Variants in CASP8 observed in about 807,000 individuals in gnomAD.
CASP8 encodes caspase-8.
Under a neutral mutation model 46.3 loss-of-function variants are expected in CASP8, and 24 were observed. The observed-to-expected ratio is 0.52, with a 90% CI of 0.38 to 0.73. CASP8 has a LOEUF of 0.73. Among genes scored for constraint, CASP8 ranks in the 30% least tolerant of loss-of-function variants. CASP8 has a pLI of 0.00. For synonymous variants in CASP8, 188 were observed against 200.4 expected, an observed-to-expected ratio of 0.94 and a Z score of 0.52; for missense variants, 460 against 559.0, an observed-to-expected ratio of 0.82 and a Z score of 1.79.
At chr2:201,261,414 T>A (rs375855229) in intron 1 of CASP8, among the ~76,000 whole-genome samples, 8 of 135,228 alleles carry the variant, frequency 5.9e-5, no homozygotes, top group East Asian at 4.3e-4. Context: ...AAAAAAAAAT[T>A]AAAAAGATAC....
intron 7 of CASP8, among the ~76,000 whole-genome samples, chr2:201,283,519 G>C (rs1408494001): frequency 2.0e-4 from 17 of 86,368 alleles, no homozygotes; most frequent in African/African-American, 6.7e-4. Context: ...AGGGGCGGCC[G>C]GGCAGAGGAG....
intron 7 of CASP8, among the ~76,000 whole-genome samples, chr2:201,282,996 T>C (rs1454454938): frequency 2.0e-4 from 10 of 50,876 alleles, no homozygotes; most frequent in East Asian, 6.7e-4. Context: ...GGCGGGGGGC[T>C]GACCCCCCCC....
In CASP8 at chr2:201,272,684, G is replaced by C; in HGVS notation, c.458G>C (p.Gly153Ala). 6.2e-7 allele frequency: 1 copy of C among 1,614,118 alleles called. No individual in the cohort carries two copies. Among genetic ancestry groups the C allele is most frequent in the Admixed American group, 1.7e-5 (1 of 60,024 alleles). Reference protein sequence around the residue: ...FIEMEKRVILGEGKLDILKRV... With the variant: ...FIEMEKRVILAEGKLDILKRV... ...GAGATGGAGAAGAGGGTCATCCTGGGAGAAGGAAAGTTGGACATCCTGAAA... is the reference window on the plus strand; with the variant it reads ...GAGATGGAGAAGAGGGTCATCCTGGCAGAAGGAAAGTTGGACATCCTGAAA... Residue 153 changes from glycine to alanine, a missense_variant, in exon 4 of 9, where the codon GGA becomes GCA. Coordinates refer to ENST00000673742, the MANE Select transcript of CASP8 (RefSeq NM_001372051.1). This position sits in a 1 kb window ranked among gnomAD's most constrained non-coding sequence, Gnocchi z 4.4.
Position 201,284,847 on chromosome 2 carries a change from T to C in CASP8, c.834T>C (p.His278=). ...GALTTTFEEL[H]FEIKPHDDCT... ...TGACCACGACCTTTGAAGAGCTTCATTTTGAGATCAAGCCCCACGATGACT... is the reference window on the plus strand; with the variant it reads ...TGACCACGACCTTTGAAGAGCTTCACTTTGAGATCAAGCCCCACGATGACT... The change falls in exon 8 of 9, where the codon CAT becomes CAC. Residue 278 remains histidine, a synonymous_variant. Coordinates refer to ENST00000673742, the MANE Select transcript of CASP8 (RefSeq NM_001372051.1). 1 of 1,614,168 alleles carries C rather than the reference T, an allele frequency of 6.2e-7. No homozygotes were observed. Among genetic ancestry groups the C allele is most frequent in the Non-Finnish European group, 8.5e-7 (1 of 1,180,038 alleles).
chr2:201,271,512 A>G lies in CASP8; in HGVS notation c.306-4A>G. ...TTCTAAAGTGTCTCCATTTCCCACC[A>G]CAGGGTCATGCTCTATCAGATTTCA... is the stretch of plus-strand genomic sequence containing the variant. On this transcript the variant is annotated splice_region_variant and splice_polypyrimidine_tract_variant and intron_variant, in intron 2 of 8. Coordinates refer to ENST00000673742, the MANE Select transcript of CASP8 (RefSeq NM_001372051.1). 2 of 1,557,020 alleles carry G rather than the reference A, an allele frequency of 1.3e-6. No homozygotes were observed. The highest frequency in any genetic ancestry group is 1.8e-6 in the Non-Finnish European group (2 of 1,127,990).
At chr2:201,281,863 A>G in intron 7 of CASP8, 1 of 1,478,630 alleles carries the variant, frequency 6.8e-7, no homozygotes, top group South Asian at 1.2e-5. Flanking sequence ...TGGTGGCAAT[A>G]AATATTAGAA....
intron 2 of CASP8, among the ~76,000 whole-genome samples, chr2:201,268,821 G>A (rs1948013338): frequency 6.6e-6 from 1 of 151,836 alleles, no homozygotes; most frequent in Non-Finnish European, 1.5e-5. Flanking sequence ...CTCTGCCTAT[G>A]TTCCCTTCTC....
At chr2:201,253,027 C>A (rs937096332) in intron 2 of CASP8, among the ~76,000 whole-genome samples, 4 of 152,070 alleles carry the variant, frequency 2.6e-5, no homozygotes, top group African/African-American at 9.7e-5. Flanking sequence ...CTCCGTCCCC[C>A]AGGCTGGAGT....
At chr2:201,240,810 C>A (rs146202747) in intron 2 of CASP8, 188 of 152,200 alleles carry the variant, frequency 1.2e-3, no homozygotes, top group African/African-American at 4.2e-3. Context: ...ATTTAAGAGA[C>A]TGAAATCATA....
chr2:201,258,206 T>A (rs749860235), upstream of CASP8: 1 of 1,606,928 alleles, frequency 6.2e-7, no homozygotes. Context: ...CTGAATTTGC[T>A]AGTCAACTCA....
rs368456008 is a variant in CASP8 at position 201,281,416 on chromosome 2, C to A, written c.803-3400C>A. On this transcript the variant is annotated intron_variant, in intron 7 of 8. Transcript: ENST00000673742. ...TATTCTCCATAATAAGAACTCAATG[C>A]GAAAGTCTAAAATTTATAAATGAGT... Among the ~76,000 whole-genome samples the A allele has an allele frequency of 7.9e-5, 12 of 152,110 alleles. No individual in the cohort carries two copies. In the East Asian group the frequency reaches 1.9e-3, roughly 24 times the overall value.
At chr2:201,285,777 A>C (rs528863512) in intron 8 of CASP8, among the ~76,000 whole-genome samples, 2 of 152,342 alleles carry the variant, frequency 1.3e-5, no homozygotes, top group East Asian at 3.9e-4. Flanking sequence ...AACTCTGTCA[A>C]AAGTTCTATA....
intron 2 of CASP8, among the ~76,000 whole-genome samples, chr2:201,238,972 A>G (rs1946176556): frequency 6.6e-6 from 1 of 151,794 alleles, no homozygotes; most frequent in Non-Finnish European, 1.5e-5. Context: ...GATGACTCTT[A>G]AGGAGCATGC....
chr2:201,262,666 T>G (rs914739347), intron 1 of CASP8, among the ~76,000 whole-genome samples: 1 of 152,192 alleles, frequency 6.6e-6, no homozygotes, highest in Non-Finnish European at 1.5e-5. Context: ...CAAGTGTTAC[T>G]TTTACTGTTT....
In CASP8 at chr2:201,272,563, A is replaced by G; in HGVS notation, c.412-75A>G. ...AGGTCCTTGGTTGGAGAAATTGGAAATTAAAAAAAAAAATCTAATCTAAAA... is the reference window on the plus strand; with the variant it reads ...AGGTCCTTGGTTGGAGAAATTGGAAGTTAAAAAAAAAAATCTAATCTAAAA... On this transcript the variant is annotated intron_variant, in intron 3 of 8. Coordinates refer to ENST00000673742, the MANE Select transcript of CASP8 (RefSeq NM_001372051.1). This position sits in a 1 kb window ranked among gnomAD's most constrained non-coding sequence, Gnocchi z 4.4. 6.4e-7 allele frequency: 1 copy of G among 1,552,206 alleles called. No homozygotes were observed. Among genetic ancestry groups the G allele is most frequent in the South Asian group, 1.1e-5 (1 of 87,770 alleles).
intron 2 of CASP8, among the ~76,000 whole-genome samples, chr2:201,252,787 G>T (rs16836965): frequency 0.049 from 7,470 of 152,150 alleles, 251 homozygotes; most frequent in African/African-American, 0.088. Flanking sequence ...CTGAGAATAC[G>T]TGGTGTTATC....
chr2:201,255,264 G>C (rs1307683916), intron 2 of CASP8, among the ~76,000 whole-genome samples: 3 of 152,136 alleles, frequency 2.0e-5, no homozygotes, highest in African/African-American at 7.2e-5. Context: ...TTTTAGTAGA[G>C]ATGGGGTTTT....
At chr2:201,243,190 A>G (rs565171532) in intron 2 of CASP8, among the ~76,000 whole-genome samples, 2 of 152,348 alleles carry the variant, frequency 1.3e-5, no homozygotes, top group South Asian at 4.1e-4. Flanking sequence ...ACTGTATTGT[A>G]CACTTAAACA....
At chr2:201,233,724 G>A (rs773653309) in intron 1 of CASP8, 1 of 152,278 alleles carries the variant, frequency 6.6e-6, no homozygotes, top group Non-Finnish European at 1.5e-5. Flanking sequence ...TGGAGCAAAA[G>A]GAGGTATTTA....
Sources: gnomAD v4.1 joint callset for allele counts (sites outside exome capture counted in the v4.1 genomes callset) on GRCh38, gnomAD v4.1.1 for gene constraint, Gnocchi (gnomAD v3.1) non-coding constraint, MANE v1.5 for transcripts, NCBI Gene and HGNC (gene_info 2026-07-23, HGNC 2026-07-21) for gene names.